The following ST7L variants were observed in gnomAD, a reference collection of about 807,000 sequenced individuals.
ST7L encodes suppressor of tumorigenicity 7 protein-like.
Under a neutral mutation model 72.5 loss-of-function variants are expected in ST7L, and 57 were observed. The observed-to-expected ratio is 0.79, with a 90% confidence interval of 0.64 to 0.98. The LOEUF (loss-of-function observed/expected upper bound fraction) is 0.98, where lower values mean the gene tolerates loss of function less well. Ranked by LOEUF, ST7L falls within the 50% of genes least tolerant of loss-of-function variation. ST7L has a pLI of 0.00. For missense variants in ST7L, 576 were observed against 672.2 expected (o/e 0.86, Z 1.58); for synonymous variants, 221 against 240.9 (o/e 0.92, Z 0.77).
chr1:112,584,116 C>T lies in ST7L; in HGVS notation c.712G>A (p.Ala238Thr). 6.2e-7 allele frequency: 1 copy of T among 1,612,628 alleles called. No homozygotes were observed. Among genetic ancestry groups the T allele is most frequent in the South Asian group, 1.1e-5 (1 of 90,770 alleles). ...ALELNNDCAT[A>T]YVLLAEEEAT... ...TCTTCCTCAGCCAGTAGAACATATG[C>T]AGTGGCACAGCTATGAAGAAAGCAA... The change falls in exon 7 of 15, where the codon GCA becomes ACA. Residue 238 changes from alanine to threonine, a missense_variant. Physicochemically the swap from Ala to Thr is moderately conservative, Grantham distance 58. Coordinates refer to ENST00000358039, the MANE Select transcript of ST7L (RefSeq NM_017744.5).
intron 11 of ST7L, 84 bp from the exon 12 acceptor site, chr1:112,556,102 T>C (rs1659075917): frequency 9.2e-7 from 1 of 1,088,354 alleles, no homozygotes; most frequent in Non-Finnish European, 1.2e-6. Flanking sequence ...CCCACAAAAA[T>C]GTAGATTCAA....
At chr1:112,553,408 A>G (rs1214137088) in intron 12 of ST7L, among the ~76,000 whole-genome samples, 2 of 152,198 alleles carry the variant, frequency 1.3e-5, no homozygotes, top group Non-Finnish European at 2.9e-5. Flanking sequence ...TGTCATTGTC[A>G]AGCCACAGTG....
intron 14 of ST7L, 94 bp downstream of exon 14, chr1:112,541,857 T>G: frequency 6.6e-7 from 1 of 1,511,356 alleles, no homozygotes; most frequent in Non-Finnish European, 8.8e-7. Flanking sequence ...AACAAATATC[T>G]TCCATTGTTC....
intron 3 of ST7L, chr1:112,607,014 T>C (rs1668352435): frequency 6.6e-6 from 1 of 152,224 alleles, no homozygotes; most frequent in South Asian, 2.1e-4. Flanking sequence ...GATTTACTAC[T>C]ATTAAAATAT....
At chr1:112,603,156 G>A (rs1241199897) in intron 3 of ST7L, among the ~76,000 whole-genome samples, 2 of 152,136 alleles carry the variant, frequency 1.3e-5, no homozygotes, top group African/African-American at 2.4e-5. Flanking sequence ...CTGTGAGCCT[G>A]GCAAATTTCA....
chr1:112,537,144 T>A (rs1173165894), intron 14 of ST7L, among the ~76,000 whole-genome samples: 2 of 152,054 alleles, frequency 1.3e-5, no homozygotes, highest in African/African-American at 4.8e-5. Context: ...TACAGGCAAG[T>A]ACCACCACGC....
At chr1:112,530,418 TTTTG>T (rs1415882605) in intron 14 of ST7L, among the ~76,000 whole-genome samples, 2 of 152,094 alleles carry the variant, frequency 1.3e-5, no homozygotes, top group African/African-American at 4.8e-5. Flanking sequence ...TTCTGTGCCT[TTTTG>T]TTTGTTTTTT....
chr1:112,520,346 T>C, downstream of ST7L: 1 of 1,614,216 alleles, frequency 6.2e-7, no homozygotes, highest in South Asian at 1.1e-5. Context: ...TGTGAAATCA[T>C]GTGCTGTGGC....
At chr1:112,520,576 T>A, downstream of ST7L, 1 of 1,512,016 alleles carries the variant, frequency 6.6e-7, no homozygotes. Context: ...GATCCTTGCA[T>A]GCACACCTTC....
upstream of ST7L, chr1:112,619,416 C>A (rs577898492): frequency 3.7e-6 from 2 of 544,692 alleles, no homozygotes; most frequent in South Asian, 5.2e-5. Flanking sequence ...CGCCCCCCCC[C>A]CGGGGTTGGA....
At chr1:112,587,356 C>T (rs935875313) in intron 6 of ST7L, among the ~76,000 whole-genome samples, 1 of 152,196 alleles carries the variant, frequency 6.6e-6, no homozygotes, top group Admixed American at 6.5e-5. Flanking sequence ...AATCTCAGCA[C>T]TTTGGGAGGC....
At position 112,538,352 on chromosome 1, in the gene ST7L, A is replaced by G. The variant is rs1018958289; in HGVS notation, c.1629+3599T>C. ...TGTGCCAGAAGCATAGTATTACAGT[A>G]TTTTTTTTGAGACAGGGTCTTGCTC... On this transcript the variant is annotated intron_variant, in intron 14 of 14. Transcript: ENST00000358039. Among the ~76,000 whole-genome samples the G allele has an allele frequency of 7.8e-4, 118 of 151,782 alleles. 4 individuals carry two copies. The highest frequency in any genetic ancestry group is 4.8e-5 in the African/African-American group (2 of 41,346).
At chr1:112,588,223 T>C (rs1230081339) in intron 6 of ST7L, among the ~76,000 whole-genome samples, 1 of 152,240 alleles carries the variant, frequency 6.6e-6, no homozygotes, top group Non-Finnish European at 1.5e-5. Context: ...AATAAGATCA[T>C]GCCATCTGTG....
chr1:112,578,232 G>A, intron 10 of ST7L, 113 bp downstream of exon 10: 1 of 1,055,876 alleles, frequency 9.5e-7, no homozygotes, highest in Non-Finnish European at 1.4e-6. Context: ...AAGATCCAGG[G>A]CTATTCAGAA....
chr1:112,581,354 C>T (rs1032397332), intron 9 of ST7L, among the ~76,000 whole-genome samples: 1 of 151,970 alleles, frequency 6.6e-6, no homozygotes, highest in Admixed American at 6.6e-5. Flanking sequence ...CTGTATGCTC[C>T]ACTAAACTGT....
At chr1:112,544,708 T>C (rs1485154797) in intron 13 of ST7L, among the ~76,000 whole-genome samples, 1 of 152,260 alleles carries the variant, frequency 6.6e-6, no homozygotes, top group Non-Finnish European at 1.5e-5. Flanking sequence ...CTCATTTAAT[T>C]CTTTTCAGTA....
At chr1:112,564,385 G>A (rs1660629975) in intron 11 of ST7L, among the ~76,000 whole-genome samples, 1 of 152,100 alleles carries the variant, frequency 6.6e-6, no homozygotes, top group Admixed American at 6.6e-5. Context: ...CTCTAAGTTT[G>A]GGTCACAGAC....
intron 14 of ST7L, among the ~76,000 whole-genome samples, chr1:112,535,759 A>G (rs1486935168): frequency 6.6e-6 from 1 of 151,720 alleles, no homozygotes; most frequent in African/African-American, 2.4e-5. Flanking sequence ...AACTTTTATT[A>G]TTTTCTTTCC....
At chr1:112,592,050 T>C (rs762894462) in intron 5 of ST7L, among the ~76,000 whole-genome samples, 2 of 151,470 alleles carry the variant, frequency 1.3e-5, no homozygotes, top group Admixed American at 6.6e-5. Context: ...TGATTCACTC[T>C]ACGAAGAATG....
Sources: gnomAD v4.1 joint callset for allele counts (sites outside exome capture counted in the v4.1 genomes callset) on GRCh38, gnomAD v4.1.1 for gene constraint, MANE v1.5 for transcripts, NCBI Gene and HGNC (gene_info 2026-07-23, HGNC 2026-07-21) for gene names.